Variants in ATP13A2 observed in about 807,000 individuals in gnomAD.
ATP13A2 encodes ATPase cation transporting 13A2.
Under a neutral mutation model 138.3 loss-of-function variants are expected in ATP13A2, and 83 were observed. The ratio of observed to expected loss-of-function variants is 0.60; its 90% CI spans 0.50 to 0.72. The LOEUF is 0.72. ATP13A2 is among the 30% of genes least tolerant of loss of function. The pLI is 0.00. For missense variants in ATP13A2, 1,402 were observed against 1,606.4 expected (o/e 0.87, Z 2.17); for synonymous variants, 663 against 699.0 (o/e 0.95, Z 0.81).
intron 7 of ATP13A2, 61 bp downstream of exon 7, chr1:17,002,235 A>T (rs1422475906): frequency 6.3e-7 from 1 of 1,594,776 alleles, no homozygotes; most frequent in East Asian, 2.3e-5. Flanking sequence ...AGGCAACCAC[A>T]TTGGGGGGCA....
intron 6 of ATP13A2, among the ~76,000 whole-genome samples, chr1:17,003,217 C>A (rs1309921001): frequency 6.6e-6 from 1 of 152,136 alleles, no homozygotes; most frequent in Non-Finnish European, 1.5e-5. Flanking sequence ...AAACAAACTC[C>A]CTGCCCTTGA....
chr1:16,986,834 G>C lies in ATP13A2; in HGVS notation c.3206C>G (p.Ala1069Gly), dbSNP rs764988645. 19 of 1,612,926 alleles carry C rather than the reference G, an allele frequency of 1.2e-5. No individual in the cohort carries two copies. Among genetic ancestry groups the C allele is most frequent in the African/African-American group, 4.0e-5 (3 of 74,714 alleles). Reference protein sequence around the residue: ...LILAAAVSKGAPFRRPLYTNV... With the variant: ...LILAAAVSKGGPFRRPLYTNV... ...GGTGTAGAGCGGCCGGCGGAAGGGC[G>C]CCCCCTTGGACACGGCTGCAGCCAG... The change falls in exon 27 of 29, where the codon GCG (alanine) becomes GGG (glycine). Residue 1069 changes from alanine (A) to glycine (G), a missense_variant. Physicochemically the swap from Ala to Gly is moderately conservative, Grantham distance 60. Coordinates refer to ENST00000326735, the MANE Select transcript of ATP13A2 (RefSeq NM_022089.4). This position sits in a 1 kb window ranked among gnomAD's most constrained non-coding sequence, Gnocchi z 6.9.
intron 1 of ATP13A2, among the ~76,000 whole-genome samples, chr1:17,009,053 G>A (rs1472138209): frequency 2.6e-5 from 4 of 151,558 alleles, no homozygotes; most frequent in South Asian, 2.1e-4. Context: ...ATTTCCTCCC[G>A]CACCAACCCA....
At chr1:16,999,380 CAAAA>C (rs67969184) in intron 11 of ATP13A2, among the ~76,000 whole-genome samples, 1,351 of 56,030 alleles carry the variant, frequency 0.024, 11 homozygotes, top group Non-Finnish European at 0.036. Context: ...AACTCCATCT[CAAAA>C]AAAAAAAAAA....
At chr1:16,992,985 G>A (rs747459054) in intron 16 of ATP13A2, among the ~76,000 whole-genome samples, 12 of 150,988 alleles carry the variant, frequency 7.9e-5, no homozygotes, top group Non-Finnish European at 1.2e-4. Flanking sequence ...GTGTGATCTC[G>A]GCTTACTGCA....
In ATP13A2 at chr1:17,000,230, G is replaced by A; in HGVS notation, c.907+16C>T. ...CTCCCACTCCTGCCCCCGCCCCCTG[G>A]GCCCTAGCTCCTCACCTCCCCCTGG... On this transcript the variant is annotated intron_variant, in intron 10 of 28. Transcript: ENST00000326735. 3 of 1,209,908 alleles carry A rather than the reference G, an allele frequency of 2.5e-6. No individual in the cohort carries two copies. The highest frequency in any genetic ancestry group is 3.2e-6 in the Non-Finnish European group (3 of 930,852). The allele number at this position is 1,209,908 out of a possible 1,614,324, so 74.9% of individuals were successfully genotyped here. A position where few individuals can be genotyped will look rare whatever the true frequency, so the allele number is the denominator to read the frequency against.
Position 17,000,542 on chromosome 1 carries a change from A to T in ATP13A2, c.706-8T>A. 4 of 1,611,668 alleles carry T rather than the reference A, an allele frequency of 2.5e-6. No individual in the cohort carries two copies. The highest frequency in any genetic ancestry group is 3.4e-6 in the Non-Finnish European group (4 of 1,178,232). ...ATAGTAGGGGTTCAGTGCCTGGGGG[A>T]GGGGCGGGAGGCAGCGTCAGGGCCG... is the stretch of plus-strand genomic sequence containing the variant. On this transcript the variant is annotated splice_polypyrimidine_tract_variant and splice_region_variant and intron_variant, in intron 8 of 28. Coordinates refer to ENST00000326735, the MANE Select transcript of ATP13A2 (RefSeq NM_022089.4).
chr1:17,005,497 C>G lies in ATP13A2; in HGVS notation c.165G>C (p.Trp55Cys), dbSNP rs1399740972. The G allele has an allele frequency of 6.2e-7, 1 of 1,614,250 alleles. No individual in the cohort carries two copies. Among genetic ancestry groups the G allele is most frequent in the Admixed American group, 1.7e-5 (1 of 60,026 alleles). Residue 55 changes from tryptophan to cysteine, a missense_variant, in exon 3 of 29, where the codon TGG (tryptophan) becomes TGC (cysteine). Coordinates refer to ENST00000326735, the MANE Select transcript of ATP13A2 (RefSeq NM_022089.4). ...WRVIGYHVVV[W>C]MMAGIPLLLF... is the part of the protein sequence containing the mutation. ...GCAGCAAAGGGATCCCAGCCATCAT[C>G]CAGACCACGACGTGATAGCCGATGA...
chr1:16,993,930 G>A, intron 15 of ATP13A2, 95 bp from the exon 16 acceptor site: 3 of 1,071,450 alleles, frequency 2.8e-6, no homozygotes, highest in South Asian at 1.7e-5. Flanking sequence ...CGGACCCTAT[G>A]GGAACCCCAG....
intron 15 of ATP13A2, among the ~76,000 whole-genome samples, chr1:16,994,787 C>T (rs879363462): frequency 3.9e-5 from 6 of 152,120 alleles, no homozygotes; most frequent in Admixed American, 2.6e-4. Context: ...CCCAGCCTCC[C>T]GAGTAACTGG....
chr1:16,988,243 C>CA lies in ATP13A2; in HGVS notation c.2763-10dup. ...GGGAACAGCGCCCCTCCCTGGGTGG[C>CA]AGGGCACGGACATTAGGGGACCCAG... is the stretch of plus-strand genomic sequence containing the variant. On this transcript the variant is annotated splice_polypyrimidine_tract_variant and intron_variant, in intron 24 of 28. Transcript: ENST00000326735. 1 of 1,614,152 alleles carries CA rather than the reference C, an allele frequency of 6.2e-7. No individual in the cohort carries two copies. The highest frequency in any genetic ancestry group is 8.5e-7 in the Non-Finnish European group (1 of 1,179,994).
chr1:17,000,194 G>GGGGCCCCCC, intron 10 of ATP13A2, 52 bp from the exon 11 acceptor site: 2 of 1,570,224 alleles, frequency 1.3e-6, no homozygotes, highest in Non-Finnish European at 8.7e-7. Flanking sequence ...CCCCAGCCAT[G>GGGGCCCCCC]CCCCCCCACC....
chr1:16,986,200 T>C lies in ATP13A2; in HGVS notation c.*21A>G. 6.2e-7 allele frequency: 1 copy of C among 1,612,438 alleles called. No homozygotes were observed. The highest frequency in any genetic ancestry group is 8.5e-7 in the Non-Finnish European group (1 of 1,179,602). ...CTCAGAGGCAGGGAGTTCCAGTGTCTGGGGTGCCCGTGGGCCTGCACTACC... is the reference window on the plus strand; with the variant it reads ...CTCAGAGGCAGGGAGTTCCAGTGTCCGGGGTGCCCGTGGGCCTGCACTACC... On this transcript the variant is annotated 3_prime_UTR_variant, in exon 29 of 29. Transcript: ENST00000326735. The surrounding 1 kb of genome is among the most constrained non-coding windows in gnomAD (Gnocchi z 6.9).
intron 15 of ATP13A2, among the ~76,000 whole-genome samples, chr1:16,994,324 C>A (rs1423485999): frequency 6.6e-6 from 1 of 152,054 alleles, no homozygotes; most frequent in Admixed American, 6.6e-5. Flanking sequence ...CCTCCACCTC[C>A]CGGGTTCAAG....
chr1:16,993,270 C>T (rs1471813912), intron 16 of ATP13A2, among the ~76,000 whole-genome samples: 1 of 152,130 alleles, frequency 6.6e-6, no homozygotes, highest in Non-Finnish European at 1.5e-5. Flanking sequence ...GGCTGGAGTG[C>T]AGTAGCGTGA....
At position 16,986,609 on chromosome 1, in the gene ATP13A2, G is replaced by T. The variant is rs1343677602; in HGVS notation, c.3259C>A (p.Leu1087Ile). Residue 1087 changes from leucine to isoleucine, a missense_variant, in exon 28 of 29, where the codon CTC (leucine) becomes ATC (isoleucine). Coordinates refer to ENST00000326735, the MANE Select transcript of ATP13A2 (RefSeq NM_022089.4). The surrounding 1 kb of genome is among the most constrained non-coding windows in gnomAD (Gnocchi z 6.9). ...AGGCCCACCAGGACGGAGCTCAGGA[G>T]CGCCAGGGCCACCAGGAAGGGCACT... Reference protein sequence around the residue: ...TNVPFLVALALLSSVLVGLVL... With the variant: ...TNVPFLVALAILSSVLVGLVL... 1 of 1,610,368 alleles carries T rather than the reference G, an allele frequency of 6.2e-7. No homozygotes were observed. Among genetic ancestry groups the T allele is most frequent in the Admixed American group, 1.7e-5 (1 of 59,902 alleles).
At chr1:17,001,891 A>G (rs981257637) in intron 8 of ATP13A2, 143 bp downstream of exon 8, 17 of 823,914 alleles carry the variant, frequency 2.1e-5, no homozygotes, top group Non-Finnish European at 3.0e-5. Flanking sequence ...TGACTGCGGC[A>G]GGTTCTGAGA....
chr1:16,999,969 CA>C (rs1433195308), intron 11 of ATP13A2, 41 bp downstream of exon 11: 2 of 1,564,438 alleles, frequency 1.3e-6, no homozygotes, highest in Non-Finnish European at 1.7e-6. Context: ...GGTTGGATGG[CA>C]GGGGAGGAAG....
chr1:17,000,452 A>G lies in ATP13A2; in HGVS notation c.788T>C (p.Ile263Thr), dbSNP rs2077311781. 1 of 1,614,080 alleles carries G rather than the reference A, an allele frequency of 6.2e-7. No individual in the cohort carries two copies. The highest frequency in any genetic ancestry group is 8.5e-7 in the Non-Finnish European group (1 of 1,179,978). The change falls in exon 9 of 29, where the codon ATC becomes ACC. Residue 263 changes from isoleucine (I) to threonine (T), a missense_variant. Coordinates refer to ENST00000326735, the MANE Select transcript of ATP13A2 (RefSeq NM_022089.4). ...ADHYYWYALC[I>T]FLISSISICL... ...GATGGAGATGGAGGAAATGAGGAAG[A>G]TGCACAGGGCGTACCAGTAGTAGTG...
Sources: allele counts gnomAD v4.1 joint callset (sites outside exome capture counted in the v4.1 genomes callset), GRCh38; gene constraint gnomAD v4.1.1; non-coding constraint Gnocchi (gnomAD v3.1); transcripts MANE v1.5; gene names NCBI Gene and HGNC (gene_info 2026-07-23, HGNC 2026-07-21).